Variants in LMO4 observed in about 807,000 individuals in gnomAD.
LMO4 encodes the protein LIM domain only 4, also known as LIM domain transcription factor LMO4.
Under a neutral mutation model 18.5 loss-of-function variants are expected in LMO4, and 3 were observed. The observed-to-expected ratio is 0.16, with a 90% CI of 0.07 to 0.42. The LOEUF (loss-of-function observed/expected upper bound fraction) is 0.42, where lower values mean the gene tolerates loss of function less well. Ranked by LOEUF, LMO4 falls within the 10% of genes least tolerant of loss-of-function variation. LMO4 has a pLI of 0.99. For synonymous variants in LMO4, 100 were observed against 88.1 expected, an observed-to-expected ratio of 1.14 and a Z score of -0.76; for missense variants, 121 against 219.9, an observed-to-expected ratio of 0.55 and a Z score of 2.84.
At chr1:87,338,763 CAG>C (rs1222987572) in intron 2 of LMO4, among the ~76,000 whole-genome samples, 1 of 152,114 alleles carries the variant, frequency 6.6e-6, no homozygotes, top group Non-Finnish European at 1.5e-5. Context: ...AGCAAACACC[CAG>C]AGAGATATGA....
At chr1:87,331,560 G>C (rs1922986) in intron 1 of LMO4, 4,846 of 176,664 alleles carry the variant, frequency 0.027, 266 homozygotes, top group African/African-American at 0.11. Context: ...CTGTCCCGGG[G>C]CCCGGCGGGG....
rs940813470 is a variant in LMO4 at position 87,348,807 on chromosome 1, G to A, written c.*4011G>A. The A allele has an allele frequency of 4.2e-5, 21 of 499,502 alleles. No individual in the cohort carries two copies. Among genetic ancestry groups the A allele is most frequent in the Non-Finnish European group, 6.8e-5 (17 of 250,390 alleles). The allele number at this position is 499,502 out of a possible 1,614,324, so 30.9% of individuals were successfully genotyped here. A position where few individuals can be genotyped will look rare whatever the true frequency, so the allele number is the denominator to read the frequency against. On this transcript the variant is annotated 3_prime_UTR_variant, in exon 5 of 5. Transcript: ENST00000370544. ...CAGATTGATTCTGCTGAGAATGGAC[G>A]GCAACTCGGAGGCCTCAAGCCAATA...
At chr1:87,335,666 G>C (rs1022777660) in intron 2 of LMO4, among the ~76,000 whole-genome samples, 1 of 152,140 alleles carries the variant, frequency 6.6e-6, no homozygotes, top group African/African-American at 2.4e-5. Flanking sequence ...GGCGCCGCCA[G>C]ACAGCGAGTT....
chr1:87,336,325 ACT>A (rs961569755), intron 2 of LMO4, among the ~76,000 whole-genome samples: 8 of 152,144 alleles, frequency 5.3e-5, no homozygotes, highest in Admixed American at 2.6e-4. Flanking sequence ...TTTCAGCCAC[ACT>A]CTCAGAAACG....
intron 2 of LMO4, among the ~76,000 whole-genome samples, chr1:87,334,159 T>A (rs531201957): frequency 5.8e-4 from 88 of 152,320 alleles, no homozygotes; most frequent in Middle Eastern, 3.4e-3. Flanking sequence ...TGCCCAGCCC[T>A]GAGCCTTAAT....
In LMO4 at chr1:87,348,115, T is replaced by C. The variant is rs944964222; in HGVS notation, c.*3319T>C. 9 of 152,396 alleles carry C rather than the reference T, an allele frequency of 5.9e-5. No homozygotes were observed. Among genetic ancestry groups the C allele is most frequent in the African/African-American group, 2.2e-4 (9 of 41,438 alleles). The allele number at this position is 152,396 out of a possible 1,614,324, so 9.4% of individuals were successfully genotyped here. On this transcript the variant is annotated 3_prime_UTR_variant, in exon 5 of 5. Coordinates refer to ENST00000370544, the MANE Select transcript of LMO4 (RefSeq NM_006769.4). ...AGATTCTAATGTGCACTACTATTTA[T>C]ATAAAATATTTCTTAGGGCCCATAA...
At chr1:87,342,970 T>C (rs1650536566) in intron 4 of LMO4, among the ~76,000 whole-genome samples, 2 of 152,220 alleles carry the variant, frequency 1.3e-5, no homozygotes, top group South Asian at 4.1e-4. Context: ...TCTCTCGTTC[T>C]CCATATTTTT....
intron 2 of LMO4, among the ~76,000 whole-genome samples, chr1:87,338,441 G>A (rs999296145): frequency 3.9e-5 from 6 of 152,052 alleles, no homozygotes; most frequent in South Asian, 2.1e-4. Context: ...TACTTGTTCC[G>A]ACACCACCTT....
Position 87,348,881 on chromosome 1 carries a change from T to C in LMO4, c.*4085T>C, listed in dbSNP as rs1047484033. 5 of 443,782 alleles carry C rather than the reference T, an allele frequency of 1.1e-5. No individual in the cohort carries two copies. The highest frequency in any genetic ancestry group is 2.3e-5 in the Non-Finnish European group (5 of 220,144). The allele number at this position is 443,782 out of a possible 1,614,324, so 27.5% of individuals were successfully genotyped here. ...TACAGCTGTGTAAACAGGGCCATTC[T>C]ATTTCCTAAATCACAACTAATAAAG... On this transcript the variant is annotated 3_prime_UTR_variant, in exon 5 of 5. Coordinates refer to ENST00000370544, the MANE Select transcript of LMO4 (RefSeq NM_006769.4).
chr1:87,336,705 T>G (rs921818569), intron 2 of LMO4, among the ~76,000 whole-genome samples: 3 of 152,180 alleles, frequency 2.0e-5, no homozygotes, highest in Non-Finnish European at 2.9e-5. Context: ...GCTGAAATAT[T>G]AACGACCTTC....
intron 2 of LMO4, among the ~76,000 whole-genome samples, chr1:87,333,472 T>G (rs896369672): frequency 6.6e-6 from 1 of 152,238 alleles, no homozygotes; most frequent in African/African-American, 2.4e-5. Flanking sequence ...TGTTCAAAGT[T>G]TAGCTCCATT....
In LMO4 at chr1:87,345,385, A is replaced by G. The variant is rs1650597634; in HGVS notation, c.*589A>G. ...TCCTAATGTTGCTACTCCCATGGCA[A>G]AGAAAAAAAAAAGAATGAAAAAAAG... is the stretch of plus-strand genomic sequence containing the variant. On this transcript the variant is annotated 3_prime_UTR_variant, in exon 5 of 5. Transcript: ENST00000370544. The G allele has an allele frequency of 6.7e-6, 1 of 149,504 alleles. No individual in the cohort carries two copies. Among genetic ancestry groups the G allele is most frequent in the Non-Finnish European group, 1.5e-5 (1 of 67,998 alleles). 9.3% of individuals were successfully genotyped at this position (149,504 alleles called of 1,614,324 possible). A position where few individuals can be genotyped will look rare whatever the true frequency, so the allele number is the denominator to read the frequency against.
chr1:87,339,273 A>G (rs1212491166), intron 2 of LMO4, among the ~76,000 whole-genome samples: 3 of 152,178 alleles, frequency 2.0e-5, no homozygotes, highest in South Asian at 2.1e-4. Context: ...AAATGTGTGT[A>G]GAACAGAATT....
intron 1 of LMO4, 46 bp from the exon 2 acceptor site, chr1:87,331,967 C>A (rs1416989216): frequency 2.7e-6 from 4 of 1,474,460 alleles, no homozygotes; most frequent in Non-Finnish European, 3.8e-6. Context: ...TTTTGCATCG[C>A]CCCTGTTTTG....
intron 2 of LMO4, among the ~76,000 whole-genome samples, chr1:87,334,587 A>G (rs1324447351): frequency 6.6e-6 from 1 of 152,226 alleles, no homozygotes; most frequent in East Asian, 1.9e-4. Flanking sequence ...GGTCCGACTG[A>G]GACCACATAG....
intron 4 of LMO4, among the ~76,000 whole-genome samples, chr1:87,342,021 G>A (rs1008810589): frequency 6.6e-6 from 1 of 152,190 alleles, no homozygotes; most frequent in Non-Finnish European, 1.5e-5. Flanking sequence ...AAATAAAATG[G>A]TAGACCTTCT....
intron 3 of LMO4, 104 bp from the exon 4 acceptor site, chr1:87,339,943 C>T (rs1392334451): frequency 1.6e-6 from 2 of 1,281,346 alleles, no homozygotes; most frequent in African/African-American, 3.0e-5. Flanking sequence ...CCCTAAGTGT[C>T]TCTGTACTTG....
chr1:87,341,810 A>C (rs1195705271), intron 4 of LMO4, among the ~76,000 whole-genome samples: 1 of 152,202 alleles, frequency 6.6e-6, no homozygotes, highest in Non-Finnish European at 1.5e-5. Context: ...ACTGCTGATG[A>C]GGTATTTCAA....
At chr1:87,337,955 G>A (rs11578818) in intron 2 of LMO4, among the ~76,000 whole-genome samples, 6,832 of 152,304 alleles carry the variant, frequency 0.045, 195 homozygotes, top group Middle Eastern at 0.082. Context: ...CTGCAAGAAC[G>A]TGTCAATGTG....
Sources: allele counts gnomAD v4.1 joint callset (sites outside exome capture counted in the v4.1 genomes callset), GRCh38; gene constraint gnomAD v4.1.1; transcripts MANE v1.5; gene names NCBI Gene and HGNC (gene_info 2026-07-23, HGNC 2026-07-21).